Variants in SMIM14 observed in about 807,000 individuals in gnomAD.
SMIM14 encodes small integral membrane protein 14.
Under a neutral mutation model 12.6 loss-of-function variants are expected in SMIM14, and 5 were observed. The observed-to-expected ratio is 0.40, with a 90% CI of 0.21 to 0.83. SMIM14 has a LOEUF of 0.83. SMIM14 is among the 40% of genes least tolerant of loss of function. SMIM14 has a pLI of 0.37. For synonymous variants in SMIM14, 30 were observed against 40.1 expected (o/e 0.75, Z 0.95); for missense variants, 86 against 119.1 (o/e 0.72, Z 1.29).
chr4:39,561,498 A>G (rs2381390), intron 3 of SMIM14, among the ~76,000 whole-genome samples: 19,109 of 152,200 alleles, frequency 0.13, 2,772 homozygotes, highest in African/African-American at 0.35. Flanking sequence ...GGTGTCAGTC[A>G]GTAGTCATGC....
At chr4:39,615,924 T>C (rs1715205957) in intron 1 of SMIM14, among the ~76,000 whole-genome samples, 1 of 152,182 alleles carries the variant, frequency 6.6e-6, no homozygotes, top group South Asian at 2.1e-4. Context: ...TTACTGAAAA[T>C]TTAAAAAACT....
chr4:39,570,885 G>A (rs1397563346), intron 3 of SMIM14, among the ~76,000 whole-genome samples: 1 of 152,102 alleles, frequency 6.6e-6, no homozygotes, highest in African/African-American at 2.4e-5. Flanking sequence ...CATATACAAT[G>A]TGATCCCATT....
intron 1 of SMIM14, among the ~76,000 whole-genome samples, chr4:39,636,643 C>T (rs1423927398): frequency 6.6e-6 from 1 of 151,990 alleles, no homozygotes; most frequent in African/African-American, 2.4e-5. Flanking sequence ...GAGTTTGAGA[C>T]CAGCCTGGAC....
In SMIM14 at chr4:39,556,581, A is replaced by C. The variant is rs1337466797; in HGVS notation, c.125-11T>G. On this transcript the variant is annotated splice_polypyrimidine_tract_variant and intron_variant, in intron 3 of 4. Coordinates refer to ENST00000295958, the MANE Select transcript of SMIM14 (RefSeq NM_174921.3). ...CAGAGGGTCCCGGTACTAAAGACAA[A>C]CAAAAAATGTAGCATGCTCACAATA... 6.3e-7 allele frequency: 1 copy of C among 1,579,618 alleles called. No homozygotes were observed. The highest frequency in any genetic ancestry group is 1.4e-5 in the African/African-American group (1 of 73,200).
At chr4:39,567,155 A>C (rs1249767234) in intron 3 of SMIM14, among the ~76,000 whole-genome samples, 4 of 150,036 alleles carry the variant, frequency 2.7e-5, no homozygotes, top group Admixed American at 2.7e-4. Context: ...AAAAAAAAAA[A>C]AAAAAAAAAA....
intron 1 of SMIM14, among the ~76,000 whole-genome samples, chr4:39,631,485 C>T (rs1479615489): frequency 1.3e-5 from 2 of 151,514 alleles, no homozygotes; most frequent in Admixed American, 6.6e-5. Flanking sequence ...GGTGAAACTC[C>T]GTCTCTACTA....
chr4:39,546,777 A>G lies in SMIM14; in HGVS notation c.*5349T>C, dbSNP rs1747362680. ...TCACAAATTTATCTATTTTAAATATAACACTGAAGTTATTACATAAACACT... is the reference window on the plus strand; with the variant it reads ...TCACAAATTTATCTATTTTAAATATGACACTGAAGTTATTACATAAACACT... On this transcript the variant is annotated 3_prime_UTR_variant, in exon 5 of 5. Coordinates refer to ENST00000295958, the MANE Select transcript of SMIM14 (RefSeq NM_174921.3). 1 of 152,260 alleles carries G rather than the reference A, an allele frequency of 6.6e-6. No homozygotes were observed. Among genetic ancestry groups the G allele is most frequent in the Non-Finnish European group, 1.5e-5 (1 of 68,042 alleles). The allele number at this position is 152,260 out of a possible 1,614,324, so 9.4% of individuals were successfully genotyped here. A position where few individuals can be genotyped will look rare whatever the true frequency, so the allele number is the denominator to read the frequency against.
intron 1 of SMIM14, among the ~76,000 whole-genome samples, chr4:39,619,054 G>C (rs1715333805): frequency 6.6e-6 from 1 of 151,900 alleles, no homozygotes; most frequent in Non-Finnish European, 1.5e-5. Context: ...AACAAATTAA[G>C]TGATGATAGA....
intron 1 of SMIM14, among the ~76,000 whole-genome samples, chr4:39,628,173 G>A (rs575847282): frequency 2.0e-5 from 3 of 151,472 alleles, no homozygotes; most frequent in African/African-American, 7.3e-5. Flanking sequence ...CAGGTGTGGC[G>A]GCACATGCCT....
At chr4:39,570,582 T>A (rs1479823541) in intron 3 of SMIM14, among the ~76,000 whole-genome samples, 1 of 152,158 alleles carries the variant, frequency 6.6e-6, no homozygotes, top group Non-Finnish European at 1.5e-5. Flanking sequence ...TAGCAAAAAA[T>A]ATATCAGCAA....
intron 2 of SMIM14, among the ~76,000 whole-genome samples, chr4:39,602,544 T>C (rs1714658408): frequency 6.6e-6 from 1 of 152,070 alleles, no homozygotes; most frequent in Non-Finnish European, 1.5e-5. Flanking sequence ...GCAGTGAGCC[T>C]AGACTGCATC....
chr4:39,620,813 G>A (rs1248321921), intron 1 of SMIM14, among the ~76,000 whole-genome samples: 1 of 152,064 alleles, frequency 6.6e-6, no homozygotes, highest in Non-Finnish European at 1.5e-5. Context: ...GGTCCTGGCA[G>A]GAATAAACAA....
In SMIM14 at chr4:39,549,545, A is replaced by G. The variant is rs1324923845; in HGVS notation, c.*2581T>C. 1 of 152,204 alleles carries G rather than the reference A, an allele frequency of 6.6e-6. No individual in the cohort carries two copies. Among genetic ancestry groups the G allele is most frequent in the Non-Finnish European group, 1.5e-5 (1 of 68,086 alleles). The allele number at this position is 152,204 out of a possible 1,614,324, so 9.4% of individuals were successfully genotyped here. A position where few individuals can be genotyped will look rare whatever the true frequency, so the allele number is the denominator to read the frequency against. On this transcript the variant is annotated 3_prime_UTR_variant, in exon 5 of 5. Transcript: ENST00000295958. ...TGCCCCAGCCTCCCAAAGTGCTGGG[A>G]TTACAGGCATGAGTCACTGCGCCCA...
chr4:39,629,235 T>TC (rs1715818528), intron 1 of SMIM14, among the ~76,000 whole-genome samples: 1 of 150,528 alleles, frequency 6.6e-6, no homozygotes, highest in Non-Finnish European at 1.5e-5. Flanking sequence ...GTAGTGCACA[T>TC]CTGTAATCCC....
intron 1 of SMIM14, among the ~76,000 whole-genome samples, chr4:39,635,272 G>C (rs1055565499): frequency 6.6e-6 from 1 of 152,188 alleles, no homozygotes; most frequent in South Asian, 2.1e-4. Context: ...AGGCTCCAGG[G>C]TACTGAACTA....
rs753956390 is a variant in SMIM14, at chr4:39,572,419, C to T, written c.120G>A (p.Gln40=). Reference sequence around the variant, plus strand: ...TCCTGTCTCAGTGGTACTTACATTCCTGAAGACACTCTGTGTCTGTGCAGT... The same window carrying T: ...TCCTGTCTCAGTGGTACTTACATTCTTGAAGACACTCTGTGTCTGTGCAGT... ...QSYCTDTECL[Q]ELPGPSGDNG... is the part of the protein sequence containing the mutation. Residue 40 remains glutamine (Q), a synonymous_variant, in exon 3 of 5, where the codon CAG becomes CAA. Transcript: ENST00000295958. The T allele has an allele frequency of 4.0e-5, 65 of 1,605,918 alleles. No individual in the cohort carries two copies. The highest frequency in any genetic ancestry group is 6.0e-6 in the Non-Finnish European group (7 of 1,175,978).
At chr4:39,597,350 A>G (rs1328164833) in intron 2 of SMIM14, among the ~76,000 whole-genome samples, 2 of 151,926 alleles carry the variant, frequency 1.3e-5, no homozygotes, top group Non-Finnish European at 2.9e-5. Context: ...GGACTTTAGC[A>G]TTTAAATCAG....
chr4:39,591,086 A>G (rs1714053765), intron 2 of SMIM14, among the ~76,000 whole-genome samples: 2 of 152,164 alleles, frequency 1.3e-5, no homozygotes, highest in South Asian at 4.1e-4. Context: ...TATAGTATTT[A>G]CATACAATCT....
intron 4 of SMIM14, among the ~76,000 whole-genome samples, chr4:39,552,756 G>C (rs930040207): frequency 2.0e-5 from 3 of 152,016 alleles, no homozygotes; most frequent in Non-Finnish European, 4.4e-5. Context: ...TTTTTTTGAC[G>C]TGTAAATCAA....
Sources: gnomAD v4.1 joint callset for allele counts (sites outside exome capture counted in the v4.1 genomes callset) on GRCh38, gnomAD v4.1.1 for gene constraint, MANE v1.5 for transcripts, NCBI Gene and HGNC (gene_info 2026-07-23, HGNC 2026-07-21) for gene names.